The following ITGB1 variants were observed in gnomAD, a reference collection of about 807,000 sequenced individuals.
ITGB1 encodes integrin beta-1.
A neutral mutation model predicts 86.5 loss-of-function variants in ITGB1; 24 were observed. That is an observed-to-expected ratio of 0.28 (90% CI 0.20 to 0.39). ITGB1 has a LOEUF of 0.39. ITGB1 is among the 10% of genes least tolerant of loss of function. The pLI is 1.00. For synonymous variants in ITGB1, 323 were observed against 316.8 expected (o/e 1.02, Z -0.21); for missense variants, 556 against 946.9 (o/e 0.59, Z 5.42).
chr10:32,922,134 T>C (rs901378933), intron 9 of ITGB1, 123 bp downstream of exon 9: 2 of 565,260 alleles, frequency 3.5e-6, no homozygotes, highest in East Asian at 3.2e-5. Flanking sequence ...ACATACAGAA[T>C]TTAAGTTTTT....
chr10:32,911,713 A>C (rs771843359), intron 12 of ITGB1, 43 bp from the exon 13 acceptor site: 3 of 1,591,528 alleles, frequency 1.9e-6, no homozygotes, highest in Middle Eastern at 1.7e-4. Flanking sequence ...AAAAATATAC[A>C]ATCACAGTAT....
intron 1 of ITGB1, among the ~76,000 whole-genome samples, chr10:32,947,108 G>C (rs112297340): frequency 1.3e-5 from 2 of 152,048 alleles, no homozygotes; most frequent in African/African-American, 2.4e-5. Flanking sequence ...CTCCCAAAGT[G>C]GTGGGATTAC....
intron 2 of ITGB1, 90 bp from the exon 3 acceptor site, chr10:32,932,690 A>C (rs1025005893): frequency 1.4e-6 from 1 of 730,036 alleles, no homozygotes; most frequent in South Asian, 1.5e-5. Context: ...AATGCAATAC[A>C]TATGTTAAAT....
chr10:32,925,864 C>T lies in ITGB1; in HGVS notation c.786+7G>A, dbSNP rs779781014. On this transcript the variant is annotated splice_region_variant and intron_variant, in intron 6 of 15. Transcript: ENST00000302278. The stretch of plus-strand genomic sequence containing the variant: ...AATATCCCCTGATAGGAAATGAATG[C>T]GCTTACTCCACAAACTGCAACTTGC... 1.1e-5 allele frequency: 17 copies of T among 1,515,730 alleles called. No homozygotes were observed. Among genetic ancestry groups the T allele is most frequent in the African/African-American group, 4.1e-5 (3 of 73,024 alleles). The allele number at this position is 1,515,730 out of a possible 1,614,324, so 93.9% of individuals were successfully genotyped here. A position where few individuals can be genotyped will look rare whatever the true frequency, so the allele number is the denominator to read the frequency against.
chr10:32,950,562 GA>G (rs1383516444), intron 1 of ITGB1, among the ~76,000 whole-genome samples: 1 of 151,160 alleles, frequency 6.6e-6, no homozygotes, highest in African/African-American at 2.4e-5. Context: ...GAATAGAGAA[GA>G]AAAAAAAGGA....
chr10:32,908,625 C>T (rs1052543968), intron 14 of ITGB1, 91 bp from the exon 15 acceptor site: 19 of 1,035,980 alleles, frequency 1.8e-5, no homozygotes, highest in East Asian at 7.6e-5. Context: ...AGAGAGTGAA[C>T]GCACACTATC....
intron 1 of ITGB1, among the ~76,000 whole-genome samples, chr10:32,952,835 G>C (rs1249169066): frequency 6.6e-6 from 1 of 151,990 alleles, no homozygotes; most frequent in African/African-American, 2.4e-5. Flanking sequence ...AAACAGCTTT[G>C]ATAGTGCCCA....
intron 1 of ITGB1, chr10:32,944,615 G>T: frequency 1.7e-6 from 1 of 581,690 alleles, no homozygotes; most frequent in African/African-American, 1.9e-5. Context: ...GGCCCTATAT[G>T]AGCTGAAAAA....
intron 15 of ITGB1, among the ~76,000 whole-genome samples, chr10:32,906,101 T>C (rs75957317): frequency 2.6e-5 from 4 of 151,974 alleles, no homozygotes; most frequent in African/African-American, 9.7e-5. Flanking sequence ...ATATATATGG[T>C]CTTCTGGCTT....
chr10:32,934,317 C>T (rs1036577022), intron 2 of ITGB1, among the ~76,000 whole-genome samples: 1 of 152,104 alleles, frequency 6.6e-6, no homozygotes, highest in Non-Finnish European at 1.5e-5. Flanking sequence ...AGTGTAAAAG[C>T]TATTTACCTA....
chr10:32,908,341 T>G, intron 15 of ITGB1, 27 bp downstream of exon 15: 1 of 1,609,960 alleles, frequency 6.2e-7, no homozygotes, highest in Admixed American at 1.7e-5. Context: ...ATAAGCCACT[T>G]TGCTTTTTGG....
intron 15 of ITGB1, among the ~76,000 whole-genome samples, chr10:32,902,126 G>C (rs2094883551): frequency 1.3e-5 from 2 of 152,176 alleles, no homozygotes; most frequent in South Asian, 2.1e-4. Context: ...TACTAATTTA[G>C]AGAGTAAGGC....
chr10:32,910,092 GA>G, intron 14 of ITGB1, 130 bp downstream of exon 14: 1 of 643,452 alleles, frequency 1.6e-6, no homozygotes, highest in Non-Finnish European at 2.8e-6. Flanking sequence ...TTTAAGCTTT[GA>G]GAGATGAAAA....
intron 4 of ITGB1, 111 bp downstream of exon 4, chr10:32,929,711 A>C: frequency 1.4e-6 from 1 of 697,716 alleles, no homozygotes; most frequent in Non-Finnish European, 2.6e-6. Context: ...TTTGAGTGCC[A>C]GTCCACATGT....
At chr10:32,921,661 A>G (rs1593865804) in intron 9 of ITGB1, among the ~76,000 whole-genome samples, 1 of 152,224 alleles carries the variant, frequency 6.6e-6, no homozygotes, top group East Asian at 1.9e-4. Context: ...CTCAAAAAGG[A>G]TAAGCCAATT....
intron 1 of ITGB1, among the ~76,000 whole-genome samples, chr10:32,943,103 G>C (rs547231005): frequency 1.1e-4 from 16 of 152,254 alleles, no homozygotes; most frequent in Non-Finnish European, 2.4e-4. Flanking sequence ...GAATGTCTCA[G>C]AATTACTTAA....
At chr10:32,925,779 G>T in intron 6 of ITGB1, 92 bp downstream of exon 6, 1 of 808,154 alleles carries the variant, frequency 1.2e-6, no homozygotes, top group South Asian at 1.6e-5. Flanking sequence ...TGAAAATTAA[G>T]GTCAATTTTT....
At chr10:32,920,494 T>A (rs1408266898) in intron 9 of ITGB1, 109 bp from the exon 10 acceptor site, 50 of 944,210 alleles carry the variant, frequency 5.3e-5, no homozygotes, top group Admixed American at 1.3e-4. Context: ...ATAAAGTATC[T>A]ACAAGCCAAA....
intron 1 of ITGB1, chr10:32,944,806 A>G: frequency 1.1e-6 from 1 of 873,702 alleles, no homozygotes; most frequent in Non-Finnish European, 1.9e-6. Flanking sequence ...ACAACATTGA[A>G]TTCAACCCTC....
Sources: allele counts gnomAD v4.1 joint callset (sites outside exome capture counted in the v4.1 genomes callset), GRCh38; gene constraint gnomAD v4.1.1; transcripts MANE v1.5; gene names NCBI Gene and HGNC (gene_info 2026-07-23, HGNC 2026-07-21).